CDC42BPA: variants seen among roughly 807,000 people sequenced by gnomAD.
CDC42BPA encodes the protein serine/threonine-protein kinase MRCK alpha.
A neutral mutation model predicts 223.5 loss-of-function variants in CDC42BPA; 80 were observed. The observed-to-expected ratio is 0.36, with a 90% CI of 0.30 to 0.43. CDC42BPA has a LOEUF of 0.43. Among genes scored for constraint, CDC42BPA ranks in the 20% least tolerant of loss-of-function variants. CDC42BPA has a pLI of 1.00. For missense variants in CDC42BPA, 1,743 were observed against 2,099.9 expected (o/e 0.83, Z 3.32); for synonymous variants, 694 against 718.6 (o/e 0.97, Z 0.55).
chr1:227,134,232 T>C (rs1658029878), intron 10 of CDC42BPA, among the ~76,000 whole-genome samples: 1 of 152,182 alleles, frequency 6.6e-6, no homozygotes, highest in African/African-American at 2.4e-5. Context: ...TTCAATTTCT[T>C]TACCCTTCTC....
At chr1:227,191,566 C>T (rs1329105067) in intron 5 of CDC42BPA, among the ~76,000 whole-genome samples, 1 of 152,136 alleles carries the variant, frequency 6.6e-6, no homozygotes, top group Admixed American at 6.5e-5. Flanking sequence ...TATTTACTTT[C>T]ACCAATCTAG....
intron 34 of CDC42BPA, among the ~76,000 whole-genome samples, chr1:227,013,732 AAAAATTT>A (rs1422966145): frequency 6.6e-6 from 1 of 152,062 alleles, no homozygotes; most frequent in Non-Finnish European, 1.5e-5. Context: ...CAAAAGTGTA[AAAAATTT>A]AAATTTTAAA....
intron 2 of CDC42BPA, among the ~76,000 whole-genome samples, chr1:227,224,701 T>C (rs1328267312): frequency 6.6e-6 from 1 of 152,122 alleles, no homozygotes; most frequent in Non-Finnish European, 1.5e-5. Flanking sequence ...TAAAGAAAAA[T>C]AGCCACAGGT....
chr1:227,091,727 A>G (rs1406973437), intron 16 of CDC42BPA, among the ~76,000 whole-genome samples, 159 bp downstream of exon 16: 1 of 152,196 alleles, frequency 6.6e-6, no homozygotes, highest in East Asian at 1.9e-4. Flanking sequence ...CTATCAGATT[A>G]TTATAACAAA....
intron 2 of CDC42BPA, among the ~76,000 whole-genome samples, chr1:227,226,783 C>A (rs1388989730): frequency 1.3e-5 from 2 of 151,978 alleles, no homozygotes; most frequent in African/African-American, 2.4e-5. Flanking sequence ...AGATGACAGA[C>A]AATATAAGTT....
At chr1:227,255,248 T>C (rs1235121145) in intron 1 of CDC42BPA, among the ~76,000 whole-genome samples, 2 of 152,180 alleles carry the variant, frequency 1.3e-5, no homozygotes, top group African/African-American at 2.4e-5. Flanking sequence ...CTGTCTTCTC[T>C]CTTCCTTCCA....
chr1:227,064,802 A>G (rs1676642122), intron 21 of CDC42BPA, among the ~76,000 whole-genome samples: 1 of 152,130 alleles, frequency 6.6e-6, no homozygotes, highest in Non-Finnish European at 1.5e-5. Flanking sequence ...TTCTTTTAAA[A>G]TTAACTCAAA....
At chr1:227,153,697 A>G (rs944617469) in intron 6 of CDC42BPA, among the ~76,000 whole-genome samples, 12 of 151,944 alleles carry the variant, frequency 7.9e-5, no homozygotes, top group African/African-American at 2.9e-4. Context: ...GAAGAAAGAG[A>G]AAGTCCAACA....
intron 5 of CDC42BPA, among the ~76,000 whole-genome samples, chr1:227,170,422 G>T (rs1665894544): frequency 6.7e-6 from 1 of 150,026 alleles, no homozygotes; most frequent in Non-Finnish European, 1.5e-5. Context: ...ATTAGGTGCT[G>T]CCTAGTCCTG....
At chr1:227,251,309 C>A (rs781408476) in intron 2 of CDC42BPA, among the ~76,000 whole-genome samples, 2 of 151,182 alleles carry the variant, frequency 1.3e-5, no homozygotes, top group Non-Finnish European at 2.9e-5. Flanking sequence ...TGGTAATTGC[C>A]AGGGGAACAC....
intron 6 of CDC42BPA, among the ~76,000 whole-genome samples, chr1:227,156,598 T>C (rs1188824108): frequency 2.6e-5 from 4 of 152,096 alleles, no homozygotes; most frequent in Non-Finnish European, 4.4e-5. Context: ...TATCCTATTG[T>C]CCAGAAAAAT....
intron 16 of CDC42BPA, among the ~76,000 whole-genome samples, chr1:227,084,545 ATTT>A (rs34394607): frequency 2.1e-5 from 3 of 145,812 alleles, no homozygotes; most frequent in Non-Finnish European, 4.5e-5. Flanking sequence ...AAAAAAAAAA[ATTT>A]TTTTTTCATG....
At chr1:227,130,046 A>G (rs485234) in intron 10 of CDC42BPA, among the ~76,000 whole-genome samples, 96,060 of 151,974 alleles carry the variant, frequency 0.63, 30,515 homozygotes, top group East Asian at 0.72. Context: ...CTTCTAATTA[A>G]AAAATACAAG....
intron 10 of CDC42BPA, among the ~76,000 whole-genome samples, chr1:227,133,117 CCT>C (rs1657633693): frequency 1.3e-5 from 2 of 151,166 alleles, no homozygotes; most frequent in Non-Finnish European, 3.0e-5. Flanking sequence ...GGCCAGCCGC[CCT>C]GTCCGGGAGG....
At chr1:227,072,825 G>A (rs574032007) in intron 19 of CDC42BPA, among the ~76,000 whole-genome samples, 13 of 152,100 alleles carry the variant, frequency 8.5e-5, no homozygotes, top group African/African-American at 2.6e-4. Context: ...GGCATAAGGA[G>A]AAAAGATATT....
At chr1:227,008,014 TC>T (rs772527272) in intron 34 of CDC42BPA, among the ~76,000 whole-genome samples, 5 of 152,222 alleles carry the variant, frequency 3.3e-5, no homozygotes, top group Non-Finnish European at 7.3e-5. Flanking sequence ...GTTCAGTTTG[TC>T]CTGGTTATAA....
chr1:227,164,626 A>G (rs932411725), intron 5 of CDC42BPA, among the ~76,000 whole-genome samples: 1 of 152,176 alleles, frequency 6.6e-6, no homozygotes, highest in Non-Finnish European at 1.5e-5. Flanking sequence ...TGATCATGCC[A>G]CTGCACTTCA....
At chr1:227,199,741 G>T in intron 3 of CDC42BPA, 89 bp from the exon 4 acceptor site, 1 of 675,318 alleles carries the variant, frequency 1.5e-6, no homozygotes, top group Non-Finnish European at 2.5e-6. Flanking sequence ...TATTATTTCT[G>T]TTCTGGAAAA....
Position 227,253,642 on chromosome 1 carries a change from A to T in CDC42BPA, c.270+422T>A, listed in dbSNP as rs74905209. Among the ~76,000 whole-genome samples the T allele has an allele frequency of 1.2e-3, 138 of 116,148 alleles. 1 individual carries two copies. The East Asian group carries it at 0.024, about 20-fold the overall frequency. 76.2% of individuals were successfully genotyped at this position (116,148 alleles called of 152,430 possible). A position where few individuals can be genotyped will look rare whatever the true frequency, so the allele number is the denominator to read the frequency against. ...TACATACATACATACATACATACAT[A>T]CATACATTCATACATAAAATAAAAT... On this transcript the variant is annotated intron_variant, in intron 2 of 36. Transcript: ENST00000366766.
Sources: gnomAD v4.1 joint callset for allele counts (sites outside exome capture counted in the v4.1 genomes callset) on GRCh38, gnomAD v4.1.1 for gene constraint, MANE v1.5 for transcripts, NCBI Gene and HGNC (gene_info 2026-07-23, HGNC 2026-07-21) for gene names.